The following ARFIP1 variants were observed in gnomAD, a reference collection of about 807,000 sequenced individuals.
The protein encoded by ARFIP1 is arfaptin-1.
In ARFIP1, 24 loss-of-function variants were observed where a neutral mutation model predicts 42.5. That is an observed-to-expected ratio of 0.57 (90% CI 0.41 to 0.80). The LOEUF (loss-of-function observed/expected upper bound fraction) is 0.80. Among genes scored for constraint, ARFIP1 ranks in the 30% least tolerant of loss-of-function variants. ARFIP1 has a pLI of 0.00. For synonymous variants in ARFIP1, 141 were observed against 153.7 expected, an observed-to-expected ratio of 0.92 and a Z score of 0.61; for missense variants, 354 against 434.0, an observed-to-expected ratio of 0.82 and a Z score of 1.64.
At chr4:152,863,796 C>T in intron 3 of ARFIP1, 82 bp downstream of exon 3, 2 of 823,930 alleles carry the variant, frequency 2.4e-6, no homozygotes, top group Non-Finnish European at 4.0e-6. Context: ...TAATAAAGCA[C>T]AAGAATGGAG....
At chr4:152,884,385 T>TC (rs1166047900) in intron 7 of ARFIP1, among the ~76,000 whole-genome samples, 2 of 152,024 alleles carry the variant, frequency 1.3e-5, no homozygotes, top group African/African-American at 4.8e-5. Context: ...TTTTACTTGA[T>TC]CCTTTTCTAA....
At chr4:152,870,145 AT>A (rs1325570775) in intron 3 of ARFIP1, among the ~76,000 whole-genome samples, 24 of 152,328 alleles carry the variant, frequency 1.6e-4, no homozygotes, top group African/African-American at 5.8e-4. Context: ...AGGGTCTGAG[AT>A]TTTGCATTTC....
At chr4:152,856,610 T>G (rs1317194181) in intron 2 of ARFIP1, among the ~76,000 whole-genome samples, 1 of 152,198 alleles carries the variant, frequency 6.6e-6, no homozygotes, top group East Asian at 1.9e-4. Context: ...GACTTGAGCA[T>G]CCGCATGTAT....
chr4:152,887,225 A>G (rs185836699), intron 7 of ARFIP1, among the ~76,000 whole-genome samples: 6 of 152,098 alleles, frequency 3.9e-5, no homozygotes, highest in African/African-American at 1.2e-4. Flanking sequence ...TGATAGAGCT[A>G]TTATGAGGAG....
At chr4:152,864,152 T>G (rs1039870081) in intron 3 of ARFIP1, among the ~76,000 whole-genome samples, 1 of 152,206 alleles carries the variant, frequency 6.6e-6, no homozygotes, top group African/African-American at 2.4e-5. Flanking sequence ...TTAATTACTC[T>G]TAATTATTCC....
At chr4:152,818,870 A>G (rs1290819282) in intron 1 of ARFIP1, among the ~76,000 whole-genome samples, 1 of 152,150 alleles carries the variant, frequency 6.6e-6, no homozygotes, top group Admixed American at 6.5e-5. Context: ...CTTCCCACGC[A>G]GATTCTTTTG....
chr4:152,874,721 G>C (rs993331332), intron 5 of ARFIP1, among the ~76,000 whole-genome samples: 3 of 152,184 alleles, frequency 2.0e-5, no homozygotes. Flanking sequence ...CTTGAGTGCA[G>C]TTGTATGATC....
intron 8 of ARFIP1, among the ~76,000 whole-genome samples, chr4:152,900,540 C>T (rs1456501238): frequency 6.6e-6 from 1 of 152,154 alleles, no homozygotes; most frequent in African/African-American, 2.4e-5. Flanking sequence ...CACTCCCTTC[C>T]CAGTGCCCAC....
intron 1 of ARFIP1, among the ~76,000 whole-genome samples, chr4:152,816,585 A>G (rs1444140880): frequency 6.6e-6 from 1 of 152,260 alleles, no homozygotes; most frequent in African/African-American, 2.4e-5. Flanking sequence ...ATACACATAC[A>G]TGACCATGAA....
chr4:152,859,142 G>A (rs987279681), intron 2 of ARFIP1, among the ~76,000 whole-genome samples: 1 of 152,150 alleles, frequency 6.6e-6, no homozygotes, highest in Non-Finnish European at 1.5e-5. Context: ...GCTCACTGCA[G>A]CCTCCGTCGC....
At chr4:152,889,287 A>G (rs1423444595) in intron 8 of ARFIP1, among the ~76,000 whole-genome samples, 1 of 151,722 alleles carries the variant, frequency 6.6e-6, no homozygotes, top group Non-Finnish European at 1.5e-5. Flanking sequence ...ATAAAATAAT[A>G]TATTTCTTTG....
At chr4:152,816,089 A>G (rs568639270) in intron 1 of ARFIP1, among the ~76,000 whole-genome samples, 1 of 152,122 alleles carries the variant, frequency 6.6e-6, no homozygotes, top group African/African-American at 2.4e-5. Flanking sequence ...CCCTACTCCA[A>G]GCTACTATCA....
At chr4:152,906,780 A>G (rs984818512) in intron 8 of ARFIP1, among the ~76,000 whole-genome samples, 1 of 152,220 alleles carries the variant, frequency 6.6e-6, no homozygotes, top group African/African-American at 2.4e-5. Flanking sequence ...CTTACCGCAT[A>G]TACCAGGCCC....
intron 5 of ARFIP1, among the ~76,000 whole-genome samples, chr4:152,878,023 A>G (rs997098030): frequency 5.3e-5 from 8 of 152,202 alleles, no homozygotes; most frequent in African/African-American, 1.9e-4. Flanking sequence ...CTCAGAGTAC[A>G]CAGTTGACTG....
rs145188297 is a variant in ARFIP1, at chr4:152,829,706, C to T, written c.73C>T (p.Arg25Cys). Residue 25 changes from arginine to cysteine, a missense_variant, in exon 2 of 9, where the codon CGT becomes TGT. Coordinates refer to ENST00000353617, the MANE Select transcript of ARFIP1 (RefSeq NM_001025595.3). ...VTSNGEVDDS[R>C]EHSFNRDLKH... ...TAGTAATGGAGAAGTTGATGACTCT[C>T]GTGAACATAGCTTTAATAGGGTAAG... is the stretch of plus-strand genomic sequence containing the variant. The T allele has an allele frequency of 9.9e-6, 16 of 1,609,026 alleles. No homozygotes were observed. Among genetic ancestry groups the T allele is most frequent in the African/African-American group, 5.3e-5 (4 of 74,840 alleles).
chr4:152,825,894 A>G (rs1730796821), intron 1 of ARFIP1, among the ~76,000 whole-genome samples: 1 of 152,228 alleles, frequency 6.6e-6, no homozygotes, highest in Non-Finnish European at 1.5e-5. Flanking sequence ...TGGCCAACAA[A>G]CATGAAAAAA....
chr4:152,786,844 C>CT (rs1236329478), intron 1 of ARFIP1, among the ~76,000 whole-genome samples: 1 of 152,184 alleles, frequency 6.6e-6, no homozygotes, highest in African/African-American at 2.4e-5. Context: ...TTTTGCAAGG[C>CT]TTTTGTACAT....
intron 7 of ARFIP1, 94 bp downstream of exon 7, chr4:152,882,974 C>A: frequency 1.5e-6 from 2 of 1,303,528 alleles, no homozygotes; most frequent in Non-Finnish European, 2.1e-6. Flanking sequence ...CAACTCTGGC[C>A]AATATGGGCA....
At chr4:152,901,763 C>T (rs1737855450) in intron 8 of ARFIP1, among the ~76,000 whole-genome samples, 1 of 152,152 alleles carries the variant, frequency 6.6e-6, no homozygotes, top group Non-Finnish European at 1.5e-5. Context: ...TTTTCCTACT[C>T]TGTAAATATG....
Sources: gnomAD v4.1 joint callset for allele counts (sites outside exome capture counted in the v4.1 genomes callset) on GRCh38, gnomAD v4.1.1 for gene constraint, MANE v1.5 for transcripts, NCBI Gene and HGNC (gene_info 2026-07-23, HGNC 2026-07-21) for gene names.